The following SPIN1 variants were observed in gnomAD, a reference collection of about 807,000 sequenced individuals.
SPIN1 encodes the protein spindlin-1.
In SPIN1, 3 loss-of-function variants were observed where a neutral mutation model predicts 26.0. The ratio of observed to expected loss-of-function variants is 0.12; its 90% CI spans 0.05 to 0.30. SPIN1 has a LOEUF of 0.30. Ranked by LOEUF, SPIN1 falls within the 10% of genes least tolerant of loss-of-function variation. The pLI is 1.00. For synonymous variants in SPIN1, 101 were observed against 116.5 expected (o/e 0.87, Z 0.86); for missense variants, 126 against 333.4 (o/e 0.38, Z 4.84).
At chr9:88,426,342 T>C in intron 1 of SPIN1, 40 bp from the exon 2 acceptor site, 1 of 442,508 alleles carries the variant, frequency 2.3e-6, no homozygotes, top group South Asian at 3.9e-5. Flanking sequence ...AATTTTGCTC[T>C]CTTGATGCTC....
At chr9:88,422,565 C>G (rs1232189921) in intron 1 of SPIN1, among the ~76,000 whole-genome samples, 1 of 152,180 alleles carries the variant, frequency 6.6e-6, no homozygotes, top group Non-Finnish European at 1.5e-5. Flanking sequence ...TTTGATCTGT[C>G]TCTGCATTTC....
chr9:88,459,889 A>G (rs1169580782), intron 3 of SPIN1, among the ~76,000 whole-genome samples: 1 of 152,076 alleles, frequency 6.6e-6, no homozygotes, highest in Non-Finnish European at 1.5e-5. Flanking sequence ...CTTGGCTCAC[A>G]TTTTCTTTTC....
Position 88,474,082 on chromosome 9 carries a change from A to G in SPIN1, c.590-996A>G, listed in dbSNP as rs1448170451. ...ACTACTATTAATACATGTACATTAT[A>G]TGGTCTACACCAGGATACCTGTGAG... On this transcript the variant is annotated intron_variant, in intron 5 of 5. Transcript: ENST00000375859. Among the ~76,000 whole-genome samples, 7 of 152,304 alleles carry G rather than the reference A, an allele frequency of 4.6e-5. No individual in the cohort carries two copies. The South Asian group carries it at 6.2e-4, about 14-fold the overall frequency.
At position 88,417,072 on chromosome 9, in the gene SPIN1, TC is replaced by T. The variant is rs745522230; in HGVS notation, c.-158-9309del. 2.5e-3 allele frequency among the ~76,000 whole-genome samples: 383 copies of T among 152,372 alleles called. 3 individuals are homozygous for T. The highest frequency in any genetic ancestry group is 4.5e-3 in the Non-Finnish European group (306 of 68,038). On this transcript the variant is annotated intron_variant, in intron 1 of 5. Transcript: ENST00000375859. ...TGAAAGTTGCATTAAATTGCAGACA[TC>T]ATGACACTTGTTAAAGTAAGGTTGT...
In SPIN1 at chr9:88,395,729, G is replaced by A. The variant is rs570004893; in HGVS notation, c.-159+7191G>A. Among the ~76,000 whole-genome samples, 70 of 151,886 alleles carry A rather than the reference G, an allele frequency of 4.6e-4. 3 individuals are homozygous for A. The highest frequency in any genetic ancestry group is 1.5e-3 in the African/African-American group (63 of 41,458). On this transcript the variant is annotated intron_variant, in intron 1 of 5. Coordinates refer to ENST00000375859, the MANE Select transcript of SPIN1 (RefSeq NM_006717.3). The stretch of plus-strand genomic sequence containing the variant: ...TCCCAAAAAACTTGGGATTACAGGC[G>A]TCAGGCATCAATACAGCCTAAAAAA...
At chr9:88,406,273 GC>G (rs1183196566) in intron 1 of SPIN1, among the ~76,000 whole-genome samples, 10 of 150,258 alleles carry the variant, frequency 6.7e-5, no homozygotes, top group Admixed American at 4.0e-4. Context: ...AGATTTTCTT[GC>G]CAACAGTATA....
chr9:88,438,592 A>G (rs1828055510), intron 2 of SPIN1, among the ~76,000 whole-genome samples: 1 of 152,190 alleles, frequency 6.6e-6, no homozygotes, highest in Non-Finnish European at 1.5e-5. Flanking sequence ...ATCTATAGTC[A>G]ACTAGATTTG....
At position 88,468,392 on chromosome 9, in the gene SPIN1, G is replaced by T. The variant is rs775305776; in HGVS notation, c.376G>T (p.Ala126Ser). The change falls in exon 5 of 6, where the codon GCA (alanine) becomes TCA (serine). Residue 126 changes from alanine (A) to serine (S), a missense_variant. Physicochemically the swap from Ala to Ser is moderately conservative, Grantham distance 99. This residue lies in a region of SPIN1 where 23 missense variants were observed against 43.0 expected (regional missense o/e 0.54). Coordinates refer to ENST00000375859, the MANE Select transcript of SPIN1 (RefSeq NM_006717.3). ...DRVATSRISD[A>S]HLADTMIGKA... Reference sequence around the variant, plus strand: ...CCCAGCGACATCTCGAATCAGCGATGCACACTTGGCAGACACAATGATTGG... The same window carrying T: ...CCCAGCGACATCTCGAATCAGCGATTCACACTTGGCAGACACAATGATTGG... The T allele has an allele frequency of 3.2e-6, 5 of 1,585,716 alleles. No homozygotes were observed. The highest frequency in any genetic ancestry group is 4.3e-6 in the Non-Finnish European group (5 of 1,167,708).
intron 1 of SPIN1, chr9:88,411,489 A>T: frequency 1.1e-6 from 1 of 913,376 alleles, no homozygotes; most frequent in Non-Finnish European, 1.7e-6. Context: ...AGAGACTTTA[A>T]TGATGCTTCA....
intron 1 of SPIN1, among the ~76,000 whole-genome samples, chr9:88,404,943 A>AAG (rs1421502896): frequency 1.3e-5 from 2 of 151,614 alleles, no homozygotes; most frequent in African/African-American, 4.8e-5. Context: ...AAAAAAAAAA[A>AAG]CTAAGATACT....
At chr9:88,408,886 G>A (rs1462716780) in intron 1 of SPIN1, among the ~76,000 whole-genome samples, 1 of 151,198 alleles carries the variant, frequency 6.6e-6, no homozygotes, top group African/African-American at 2.4e-5. Flanking sequence ...GGGTGGTCTC[G>A]ATCTCGACCT....
At position 88,472,274 on chromosome 9, in the gene SPIN1, T is replaced by C. The variant is rs536860393; in HGVS notation, c.590-2804T>C. On this transcript the variant is annotated intron_variant, in intron 5 of 5. Transcript: ENST00000375859. The stretch of plus-strand genomic sequence containing the variant: ...CCTCTTAACAATGTTAACAAGACTT[T>C]ATAAGTCTTCTAATCCATGGCTTGA... Among the ~76,000 whole-genome samples the C allele has an allele frequency of 1.7e-4, 26 of 152,318 alleles. No individual in the cohort carries two copies. The South Asian group carries it at 4.8e-3, about 28-fold the overall frequency.
chr9:88,423,303 G>A (rs1333574635), intron 1 of SPIN1, among the ~76,000 whole-genome samples: 1 of 152,128 alleles, frequency 6.6e-6, no homozygotes, highest in African/African-American at 2.4e-5. Context: ...CTTTAATCTG[G>A]CTGGGTGCAG....
intron 2 of SPIN1, among the ~76,000 whole-genome samples, chr9:88,445,495 A>G (rs569213926): frequency 1.4e-4 from 21 of 147,852 alleles, no homozygotes; most frequent in Non-Finnish European, 2.5e-4. Context: ...TTGATTTCAG[A>G]TTTTCTTAAA....
In SPIN1 at chr9:88,412,776, C is replaced by T. The variant is rs952190887; in HGVS notation, c.-158-13606C>T. Among the ~76,000 whole-genome samples the T allele has an allele frequency of 5.9e-5, 9 of 152,090 alleles. No homozygotes were observed. The South Asian group carries it at 6.2e-4, about 11-fold the overall frequency. ...TCAGCTCACTGCAACTTCCACCTCCCGGGTTCAAGTGATTCTCCCACTTCA... is the reference window on the plus strand; with the variant it reads ...TCAGCTCACTGCAACTTCCACCTCCTGGGTTCAAGTGATTCTCCCACTTCA... On this transcript the variant is annotated intron_variant, in intron 1 of 5. Coordinates refer to ENST00000375859, the MANE Select transcript of SPIN1 (RefSeq NM_006717.3).
chr9:88,469,717 G>C (rs527272465), intron 5 of SPIN1, among the ~76,000 whole-genome samples: 1 of 152,250 alleles, frequency 6.6e-6, no homozygotes, highest in African/African-American at 2.4e-5. Flanking sequence ...TTATATTTTA[G>C]AGATGGGGTT....
intron 5 of SPIN1, among the ~76,000 whole-genome samples, chr9:88,470,774 A>G (rs550828944): frequency 1.9e-3 from 294 of 152,070 alleles, no homozygotes; most frequent in Admixed American, 2.9e-3. Context: ...TTGTATTTTT[A>G]GTGGAGATGG....
chr9:88,475,534 G>A lies in SPIN1; in HGVS notation c.*257G>A, dbSNP rs1828872501. The stretch of plus-strand genomic sequence containing the variant: ...TACAGGCAAGTTTGGTAAAAGTTAA[G>A]CTAGTATCATAGTCATTTAAAATTG... On this transcript the variant is annotated 3_prime_UTR_variant, in exon 6 of 6. Coordinates refer to ENST00000375859, the MANE Select transcript of SPIN1 (RefSeq NM_006717.3). 9.3e-6 allele frequency: 3 copies of A among 322,844 alleles called. No individual in the cohort carries two copies. Among genetic ancestry groups the A allele is most frequent in the Admixed American group, 4.5e-5 (1 of 22,102 alleles). The allele number at this position is 322,844 out of a possible 1,614,324, so 20.0% of individuals were successfully genotyped here.
chr9:88,469,405 A>G (rs1828734212), intron 5 of SPIN1, among the ~76,000 whole-genome samples: 1 of 152,236 alleles, frequency 6.6e-6, no homozygotes, highest in Non-Finnish European at 1.5e-5. Flanking sequence ...GTACAGAGTC[A>G]GTGTTTAGAC....
Sources: allele counts gnomAD v4.1 joint callset (sites outside exome capture counted in the v4.1 genomes callset), GRCh38; gene constraint gnomAD v4.1.1; regional missense constraint gnomAD v4.1.1; transcripts MANE v1.5; gene names NCBI Gene and HGNC (gene_info 2026-07-23, HGNC 2026-07-21).